ROBO2: variants seen among roughly 807,000 people sequenced by gnomAD.
ROBO2 encodes roundabout homolog 2.
A neutral mutation model predicts 160.8 loss-of-function variants in ROBO2; 53 were observed. The ratio of observed to expected loss-of-function variants is 0.33; its 90% confidence interval spans 0.26 to 0.41. The LOEUF (loss-of-function observed/expected upper bound fraction) is 0.41, where lower values mean the gene tolerates loss of function less well. Among genes scored for constraint, ROBO2 ranks in the 10% least tolerant of loss-of-function variants. The pLI is 1.00. For missense variants in ROBO2, 1,577 were observed against 1,722.4 expected (o/e 0.92, Z 1.49); for synonymous variants, 664 against 611.7 (o/e 1.09, Z -1.26).
intron 2 of ROBO2, among the ~76,000 whole-genome samples, chr3:76,647,019 G>GCACAC (rs1279796294): frequency 6.6e-6 from 1 of 152,062 alleles, no homozygotes; most frequent in Non-Finnish European, 1.5e-5. Context: ...TCAGAAAAGG[G>GCACAC]CACACGCTTG....
intron 2 of ROBO2, among the ~76,000 whole-genome samples, chr3:76,752,154 A>G (rs2060698625): frequency 6.6e-6 from 1 of 152,112 alleles, no homozygotes; most frequent in African/African-American, 2.4e-5. Flanking sequence ...GATATGGATG[A>G]AGCCAGAAAC....
chr3:77,125,185 T>G lies in ROBO2; in HGVS notation c.388+26845T>G, dbSNP rs1231031592. On this transcript the variant is annotated intron_variant, in intron 2 of 25. Coordinates refer to ENST00000461745, the Ensembl canonical transcript of ROBO2. Reference sequence around the variant, plus strand: ...ACTATAATAAAATTTAGGCCAGATATTCACACTTAGTGGAAAAACCATATT... The same window carrying G: ...ACTATAATAAAATTTAGGCCAGATAGTCACACTTAGTGGAAAAACCATATT... 2.0e-5 allele frequency among the ~76,000 whole-genome samples: 3 copies of G among 152,166 alleles called. No individual in the cohort carries two copies. The East Asian group carries it at 5.8e-4, about 29-fold the overall frequency.
At chr3:75,916,022 A>G (rs1161014829) in intron 1 of ROBO2, among the ~76,000 whole-genome samples, 1 of 152,194 alleles carries the variant, frequency 6.6e-6, no homozygotes, top group African/African-American at 2.4e-5. Flanking sequence ...TATAGAGCTG[A>G]TAAATTTTCA....
chr3:77,407,199 C>A (rs527405835), intron 2 of ROBO2, among the ~76,000 whole-genome samples: 4 of 152,058 alleles, frequency 2.6e-5, no homozygotes, highest in African/African-American at 9.6e-5. Flanking sequence ...TTGCCTCATG[C>A]TTTCAAAGAA....
chr3:76,195,339 A>G (rs1432774487), intron 2 of ROBO2, among the ~76,000 whole-genome samples: 1 of 152,200 alleles, frequency 6.6e-6, no homozygotes, highest in Non-Finnish European at 1.5e-5. Context: ...GTCCCTGTCC[A>G]TGAGGAACTC....
intron 2 of ROBO2, among the ~76,000 whole-genome samples, chr3:76,446,912 A>T (rs2077212047): frequency 6.6e-6 from 1 of 152,208 alleles, no homozygotes; most frequent in Non-Finnish European, 1.5e-5. Context: ...AAAGACTTAA[A>T]TATTAGATCT....
chr3:77,169,233 T>G (rs1560153673), intron 2 of ROBO2, among the ~76,000 whole-genome samples: 1 of 152,228 alleles, frequency 6.6e-6, no homozygotes, highest in Non-Finnish European at 1.5e-5. Flanking sequence ...TTTAACATTG[T>G]GTTAAAAACT....
At chr3:76,088,381 C>T (rs1012042442) in intron 2 of ROBO2, among the ~76,000 whole-genome samples, 7 of 151,972 alleles carry the variant, frequency 4.6e-5, no homozygotes, top group Admixed American at 2.6e-4. Flanking sequence ...ATGTAATCGA[C>T]GTATAGACTA....
intron 2 of ROBO2, among the ~76,000 whole-genome samples, chr3:76,571,051 A>T (rs2084922802): frequency 6.6e-6 from 1 of 152,162 alleles, no homozygotes; most frequent in Admixed American, 6.5e-5. Flanking sequence ...AAGATGAGAG[A>T]TCATATTTGC....
rs2090314842 is a variant in ROBO2, at chr3:76,636,081, C to T, written c.110-461933C>T. 2.0e-5 allele frequency among the ~76,000 whole-genome samples: 3 copies of T among 152,180 alleles called. No homozygotes were observed. The South Asian group carries it at 6.2e-4, about 32-fold the overall frequency. Reference sequence around the variant, plus strand: ...GACATATTTCATAAAATAATAGTCACATGATACTATTTCATCATAAAAATA... The same window carrying T: ...GACATATTTCATAAAATAATAGTCATATGATACTATTTCATCATAAAAATA... On this transcript the variant is annotated intron_variant, in intron 2 of 26. Coordinates refer to the ROBO2 transcript ENST00000487694.
chr3:76,247,036 C>G (rs942935526), intron 2 of ROBO2, among the ~76,000 whole-genome samples: 1 of 152,098 alleles, frequency 6.6e-6, no homozygotes, highest in African/African-American at 2.4e-5. Flanking sequence ...TTATCAGAGA[C>G]AGGCCATCAG....
At chr3:76,310,771 GTTCC>G in intron 2 of ROBO2, among the ~76,000 whole-genome samples, 1 of 152,138 alleles carries the variant, frequency 6.6e-6, no homozygotes, top group Non-Finnish European at 1.5e-5. Context: ...ATCCGTGGCG[GTTCC>G]TGGGTGGTTT....
chr3:76,062,335 AT>A (rs11391964), intron 2 of ROBO2, among the ~76,000 whole-genome samples: 4,022 of 151,120 alleles, frequency 0.027, 197 homozygotes, highest in African/African-American at 0.092. Context: ...TTGAAACACA[AT>A]TTTTTTTTTA....
intron 2 of ROBO2, among the ~76,000 whole-genome samples, chr3:76,467,423 CAT>C (rs765150561): frequency 2.6e-4 from 39 of 152,164 alleles, no homozygotes; most frequent in Admixed American, 7.9e-4. Context: ...ATAAAATACA[CAT>C]GTTTAGAAAT....
chr3:76,021,732 A>G (rs1027125022), intron 2 of ROBO2, among the ~76,000 whole-genome samples: 1 of 151,832 alleles, frequency 6.6e-6, no homozygotes, highest in Non-Finnish European at 1.5e-5. Context: ...CTAAAATGCT[A>G]ACGATTATCT....
At chr3:76,925,315 G>A (rs900662863) in intron 2 of ROBO2, among the ~76,000 whole-genome samples, 1 of 151,980 alleles carries the variant, frequency 6.6e-6, no homozygotes, top group East Asian at 1.9e-4. Context: ...AAGACTTGCA[G>A]GTTCTGATTT....
At chr3:77,040,977 C>A in intron 1 of ROBO2, 131 bp downstream of exon 1, 1 of 1,205,136 alleles carries the variant, frequency 8.3e-7, no homozygotes, top group Non-Finnish European at 1.2e-6. Context: ...TGGCCCGGCA[C>A]GGGCTCCTTG....
chr3:76,187,078 C>CT (rs1355339704), intron 2 of ROBO2, among the ~76,000 whole-genome samples: 1 of 140,934 alleles, frequency 7.1e-6, no homozygotes, highest in African/African-American at 2.6e-5. Flanking sequence ...AAAAAAAAAA[C>CT]TTTGTCAATT....
At chr3:77,022,001 G>A (rs1220024457) in intron 2 of ROBO2, among the ~76,000 whole-genome samples, 1 of 152,122 alleles carries the variant, frequency 6.6e-6, no homozygotes, top group East Asian at 1.9e-4. Context: ...AACACTTTAG[G>A]AGGCAGAAGT....
Sources: gnomAD v4.1 joint callset for allele counts (sites outside exome capture counted in the v4.1 genomes callset) on GRCh38, gnomAD v4.1.1 for gene constraint, MANE v1.5 for transcripts, NCBI Gene and HGNC (gene_info 2026-07-23, HGNC 2026-07-21) for gene names.